KMT5C: variants seen among roughly 807,000 people sequenced by gnomAD.
KMT5C encodes the protein lysine methyltransferase 5C.
A neutral mutation model predicts 38.2 loss-of-function variants in KMT5C; 16 were observed. The observed-to-expected ratio is 0.42, with a 90% CI of 0.28 to 0.64. KMT5C has a LOEUF of 0.64. Among genes scored for constraint, KMT5C ranks in the 30% least tolerant of loss-of-function variants. The pLI, the probability that KMT5C is intolerant of heterozygous loss-of-function variation, is 0.23. For missense variants in KMT5C, 598 were observed against 665.1 expected, an observed-to-expected ratio of 0.90 and a Z score of 1.11; for synonymous variants, 291 against 279.0, an observed-to-expected ratio of 1.04 and a Z score of -0.43.
In KMT5C at chr19:55,342,345, C is replaced by T. The variant is rs576224733; in HGVS notation, c.241C>T (p.Arg81Trp). ...GGWTARYFQSRGPRQEAALKT... is the reference protein window; with the variant it reads ...GGWTARYFQSWGPRQEAALKT... Reference sequence around the variant, plus strand: ...CTGGACGGCCCGCTACTTCCAGAGCCGGGGCCCGCGGCAGGAGGCTGCCCT... The same window carrying T: ...CTGGACGGCCCGCTACTTCCAGAGCTGGGGCCCGCGGCAGGAGGCTGCCCT... The change falls in exon 3 of 9, where the codon CGG becomes TGG. Residue 81 changes from arginine (R) to tryptophan (W), a missense_variant. By Grantham distance (101) the Arg-to-Trp change is moderately radical (BLOSUM62 -3). Transcript: ENST00000255613. The T allele has an allele frequency of 1.1e-5, 17 of 1,548,066 alleles. No individual in the cohort carries two copies. The Admixed American group carries it at 1.8e-4, about 16-fold the overall frequency.
Position 55,347,655 on chromosome 19 carries a change from T to A in KMT5C, c.*206T>A. On this transcript the variant is annotated 3_prime_UTR_variant, in exon 9 of 9. Coordinates refer to ENST00000255613, the MANE Select transcript of KMT5C (RefSeq NM_032701.4). This position sits in a 1 kb window ranked among gnomAD's most constrained non-coding sequence, Gnocchi z 4.6. ...CTGCTGACCCCTGAGCCACCCCCAC[T>A]CCCACAGGGAGCCCCGGCCATTTGC... 1.3e-6 allele frequency: 1 copy of A among 769,566 alleles called. No homozygotes were observed. Among genetic ancestry groups the A allele is most frequent in the Non-Finnish European group, 1.9e-6 (1 of 534,840 alleles). The allele number at this position is 769,566 out of a possible 1,614,324, so 47.7% of individuals were successfully genotyped here.
rs1043061638 is a variant in KMT5C, at chr19:55,343,020, C to T, written c.386+169C>T. The T allele has an allele frequency of 1.5e-5, 9 of 604,514 alleles. No homozygotes were observed. The highest frequency in any genetic ancestry group is 7.9e-4 in the Middle Eastern group (2 of 2,520). The allele number at this position is 604,514 out of a possible 1,614,324, so 37.4% of individuals were successfully genotyped here. A position where few individuals can be genotyped will look rare whatever the true frequency, so the allele number is the denominator to read the frequency against. ...AATCCCGGAAGACCTTTGTGGCTAC[C>T]GTGGTGCCGCTGGAGCAGGAGACCC... On this transcript the variant is annotated intron_variant, in intron 4 of 8. Transcript: ENST00000255613. The surrounding 1 kb of genome is among the most constrained non-coding windows in gnomAD (Gnocchi z 5.5).
Position 55,347,647 on chromosome 19 carries a change from A to C in KMT5C, c.*198A>C. 2 of 832,166 alleles carry C rather than the reference A, an allele frequency of 2.4e-6. No homozygotes were observed. The highest frequency in any genetic ancestry group is 3.4e-6 in the Non-Finnish European group (2 of 594,534). 51.5% of individuals were successfully genotyped at this position (832,166 alleles called of 1,614,324 possible). ...CTTTGTGACTGCTGACCCCTGAGCC[A>C]CCCCCACTCCCACAGGGAGCCCCGG... is the stretch of plus-strand genomic sequence containing the variant. On this transcript the variant is annotated 3_prime_UTR_variant, in exon 9 of 9. Coordinates refer to ENST00000255613, the MANE Select transcript of KMT5C (RefSeq NM_032701.4). The surrounding 1 kb of genome is among the most constrained non-coding windows in gnomAD (Gnocchi z 4.6).
Position 55,347,204 on chromosome 19 carries a change from G to T in KMT5C, c.1144G>T (p.Ala382Ser). Residue 382 changes from alanine to serine, a missense_variant, in exon 9 of 9, where the codon GCC (alanine) becomes TCC (serine). Physicochemically the swap from Ala to Ser is moderately conservative, Grantham distance 99. Transcript: ENST00000255613. This position sits in a 1 kb window ranked among gnomAD's most constrained non-coding sequence, Gnocchi z 4.6. ...ALVALGQPPH[A>S]RWAPQQDWHW... is the part of the protein sequence containing the mutation. ...GGTGGCCCTGGGCCAGCCCCCCCACGCCCGCTGGGCCCCTCAGCAGGACTG... is the reference window on the plus strand; with the variant it reads ...GGTGGCCCTGGGCCAGCCCCCCCACTCCCGCTGGGCCCCTCAGCAGGACTG... 6.5e-7 allele frequency: 1 copy of T among 1,538,850 alleles called. No individual in the cohort carries two copies.
chr19:55,347,732 C>G lies in KMT5C; in HGVS notation c.*283C>G, dbSNP rs1457695313. On this transcript the variant is annotated 3_prime_UTR_variant, in exon 9 of 9. Coordinates refer to ENST00000255613, the MANE Select transcript of KMT5C (RefSeq NM_032701.4). This position sits in a 1 kb window ranked among gnomAD's most constrained non-coding sequence, Gnocchi z 4.6. ...CAGGACTGCAGGAGCCATCCGCCCC[C>G]CTCAGCCCCTTCCTCCCCAGGGAGC... 2.2e-6 allele frequency: 1 copy of G among 461,438 alleles called. No homozygotes were observed. The highest frequency in any genetic ancestry group is 3.8e-6 in the Non-Finnish European group (1 of 266,168). 28.6% of individuals were successfully genotyped at this position (461,438 alleles called of 1,614,324 possible). A position where few individuals can be genotyped will look rare whatever the true frequency, so the allele number is the denominator to read the frequency against.
rs1184640763 is a variant in KMT5C at position 55,347,265 on chromosome 19, T to A, written c.1205T>A (p.Val402Glu). ...WARRYGLPYVVRVDLRRLAPA... is the reference protein window; with the variant it reads ...WARRYGLPYVERVDLRRLAPA... The stretch of plus-strand genomic sequence containing the variant: ...CGGCGCTATGGGCTGCCTTACGTGG[T>A]GCGTGTGGACCTTCGTCGCCTGGCC... Residue 402 changes from valine to glutamate, a missense_variant, in exon 9 of 9, where the codon GTG becomes GAG. By Grantham distance (121) the Val-to-Glu change is moderately radical. Around this residue, in one of 3 missense-constraint regions of KMT5C, gnomAD observed 326 missense variants for 298.1 expected, o/e 1.09. Transcript: ENST00000255613. The surrounding 1 kb of genome is among the most constrained non-coding windows in gnomAD (Gnocchi z 4.6). The A allele has an allele frequency of 1.3e-6, 2 of 1,553,960 alleles. No homozygotes were observed. The highest frequency in any genetic ancestry group is 1.4e-5 in the African/African-American group (1 of 73,618).
intron 1 of KMT5C, among the ~76,000 whole-genome samples, chr19:55,340,457 C>T (rs1213894279): frequency 6.6e-6 from 1 of 152,032 alleles, no homozygotes; most frequent in East Asian, 1.9e-4. Context: ...TCTCCCTGAC[C>T]CCTCTGTCCC....
intron 1 of KMT5C, chr19:55,341,558 G>A (rs1392249597): frequency 8.6e-6 from 2 of 233,194 alleles, no homozygotes; most frequent in Admixed American, 5.3e-5. Context: ...TGTGTGTAGG[G>A]GGTCTCTGTA....
chr19:55,341,638 TA>T (rs977622778), intron 1 of KMT5C, 155 bp from the exon 2 acceptor site: 7 of 440,528 alleles, frequency 1.6e-5, no homozygotes, highest in African/African-American at 8.1e-5. Flanking sequence ...GTTGTGTGTT[TA>T]GGGGGGATCT....
Position 55,342,850 on chromosome 19 carries a change from T to C in KMT5C, c.385T>C (p.Trp129Arg). Residue 129 changes from tryptophan (W) to arginine (R), a missense_variant and splice_region_variant, in exon 4 of 9, where the codon TGG (tryptophan) becomes CGG (arginine). Physicochemically the swap from Trp to Arg is moderately radical, Grantham distance 101. Transcript: ENST00000255613. ...GGCCAAGATCGTGTCCACTCGTGCT[T>C]GGTAAGAGGGCAGGACTCCCTGCAG... ...NGAKIVSTRA[W>R]KKNEKLELLV... The C allele has an allele frequency of 4.5e-6, 7 of 1,561,588 alleles. No homozygotes were observed. Among genetic ancestry groups the C allele is most frequent in the Non-Finnish European group, 6.2e-6 (7 of 1,132,206 alleles).
Position 55,343,890 on chromosome 19 carries a change from G to GGGCT in KMT5C, c.550+50_550+53dup, listed in dbSNP as rs2089588232. On this transcript the variant is annotated intron_variant, in intron 5 of 8. Coordinates refer to ENST00000255613, the MANE Select transcript of KMT5C (RefSeq NM_032701.4). This position sits in a 1 kb window ranked among gnomAD's most constrained non-coding sequence, Gnocchi z 5.5. ...GGGCAGGACGGGATAGAGCCAGGCA[G>GGGCT]GGCTGGAGGGGTGTAGTGGGAGGGT... The GGGCT allele has an allele frequency of 1.2e-6, 2 of 1,607,974 alleles. No homozygotes were observed. The highest frequency in any genetic ancestry group is 1.3e-5 in the African/African-American group (1 of 74,814).
At chr19:55,342,541 G>A (rs1945979961) in intron 3 of KMT5C, 161 bp downstream of exon 3, 2 of 659,330 alleles carry the variant, frequency 3.0e-6, no homozygotes, top group Non-Finnish European at 5.2e-6. Flanking sequence ...GAGAATCCTA[G>A]GAGAGGAGAG....
At position 55,347,243 on chromosome 19, in the gene KMT5C, C is replaced by T. The variant is rs1569023146; in HGVS notation, c.1183C>T (p.Arg395Cys). ...TCAGCAGGACTGGCACTGGGCCCGG[C>T]GCTATGGGCTGCCTTACGTGGTGCG... The part of the protein sequence containing the change: ...APQQDWHWAR[R>C]YGLPYVVRVD... Residue 395 changes from arginine (R) to cysteine (C), a missense_variant, in exon 9 of 9, where the codon CGC becomes TGC. Arg to Cys is a radical substitution (Grantham distance 180). Around this residue, in one of 3 missense-constraint regions of KMT5C, gnomAD observed 326 missense variants for 298.1 expected, o/e 1.09. Transcript: ENST00000255613. This position sits in a 1 kb window ranked among gnomAD's most constrained non-coding sequence, Gnocchi z 4.6. 9 of 1,545,362 alleles carry T rather than the reference C, an allele frequency of 5.8e-6. No individual in the cohort carries two copies. The highest frequency in any genetic ancestry group is 1.7e-4 in the Middle Eastern group (1 of 5,870).
intron 6 of KMT5C, among the ~76,000 whole-genome samples, chr19:55,345,899 G>C (rs1392654792): frequency 1.3e-5 from 2 of 152,164 alleles, no homozygotes; most frequent in Non-Finnish European, 2.9e-5. Context: ...AGAGGAGGTG[G>C]GGCTTGGCAC....
At chr19:55,345,327 G>C in intron 6 of KMT5C, 1 of 350,378 alleles carries the variant, frequency 2.9e-6, no homozygotes, top group South Asian at 2.2e-5. Flanking sequence ...GTCCGGGCCA[G>C]GGAGCCATGG....
rs1210530048 is a variant in KMT5C at position 55,347,088 on chromosome 19, C to T, written c.1028C>T (p.Ala343Val). The T allele has an allele frequency of 6.4e-7, 1 of 1,569,306 alleles. No homozygotes were observed. The highest frequency in any genetic ancestry group is 1.1e-5 in the South Asian group (1 of 88,446). The change falls in exon 9 of 9, where the codon GCC becomes GTC. Residue 343 changes from alanine to valine, a missense_variant. By Grantham distance (64) the Ala-to-Val change is moderately conservative (BLOSUM62 0). Transcript: ENST00000255613. The surrounding 1 kb of genome is among the most constrained non-coding windows in gnomAD (Gnocchi z 4.6). The part of the protein sequence containing the change: ...RKRRRPRPRR[A>V]PVLSTHHAAR... ...CGCCGACGCCCCCGGCCCCGGAGGG[C>T]CCCAGTGCTCTCCACCCACCACGCT...
rs1483159807 is a variant in KMT5C at position 55,346,592 on chromosome 19, G to A, written c.800G>A (p.Arg267Gln). ...TACCAGCTGCGTGAGACCAAGCGGC[G>A]GCTGCAGCAAGGCCTGGACAGTGGC... The part of the protein sequence containing the change: ...DKYQLRETKR[R>Q]LQQGLDSGSR... The change falls in exon 8 of 9, where the codon CGG (arginine) becomes CAG (glutamine). Residue 267 changes from arginine to glutamine, a missense_variant. Coordinates refer to ENST00000255613, the MANE Select transcript of KMT5C (RefSeq NM_032701.4). 5 of 1,579,604 alleles carry A rather than the reference G, an allele frequency of 3.2e-6. No homozygotes were observed. Among genetic ancestry groups the A allele is most frequent in the South Asian group, 1.2e-5 (1 of 86,488 alleles).
chr19:55,346,167 C>T (rs2089614071), intron 6 of KMT5C, 46 bp from the exon 7 acceptor site: 1 of 1,610,542 alleles, frequency 6.2e-7, no homozygotes, highest in South Asian at 1.1e-5. Context: ...TGGGTGAGCC[C>T]TCCCCTGTGC....
rs1371123536 is a variant in KMT5C at position 55,342,762 on chromosome 19, C to T, written c.297C>T (p.Ala99=). The T allele has an allele frequency of 6.2e-7, 1 of 1,611,490 alleles. No individual in the cohort carries two copies. The highest frequency in any genetic ancestry group is 2.2e-5 in the East Asian group (1 of 44,816). ...ACCAGGTCTATCGCTACCTCCGTGC[C>T]TTCCTGCCGGAAAGTGGCTTTACCA... ...LKTHVYRYLR[A]FLPESGFTIL... The change falls in exon 4 of 9, where the codon GCC becomes GCT. Residue 99 remains alanine, a synonymous_variant. Transcript: ENST00000255613.
Sources: allele counts gnomAD v4.1 joint callset (sites outside exome capture counted in the v4.1 genomes callset), GRCh38; gene constraint gnomAD v4.1.1; regional missense constraint gnomAD v4.1.1; non-coding constraint Gnocchi (gnomAD v3.1); transcripts MANE v1.5; gene names NCBI Gene and HGNC (gene_info 2026-07-23, HGNC 2026-07-21).